Variants in GLDC observed in about 807,000 individuals in gnomAD.
GLDC encodes the protein glycine dehydrogenase (decarboxylating), mitochondrial.
Under a neutral mutation model 121.3 loss-of-function variants are expected in GLDC, and 104 were observed. That is an observed-to-expected ratio of 0.86 (90% CI 0.73 to 1.01). The LOEUF (loss-of-function observed/expected upper bound fraction) is 1.01, where lower values mean the gene tolerates loss of function less well. Among genes scored for constraint, GLDC ranks in the 50% least tolerant of loss-of-function variants. GLDC has a pLI of 0.00. For synonymous variants in GLDC, 546 were observed against 480.6 expected (o/e 1.14, Z -1.78); for missense variants, 1,429 against 1,306.6 (o/e 1.09, Z -1.44).
At chr9:6,593,045 A>G in intron 9 of GLDC, 55 bp from the exon 10 acceptor site, 2 of 1,575,620 alleles carry the variant, frequency 1.3e-6, no homozygotes, top group South Asian at 2.2e-5. Flanking sequence ...CTCCTCAGCC[A>G]TTGACATGTC....
intron 3 of GLDC, among the ~76,000 whole-genome samples, chr9:6,619,145 G>GAAAAAAAAAAAAAAAAAAA (rs1563864174): frequency 3.3e-5 from 1 of 30,196 alleles, no homozygotes; most frequent in African/African-American, 1.5e-4. Flanking sequence ...TCTGTCTCAG[G>GAAAAAAAAAAAAAAAAAAA]CAAAAAAAAA....
chr9:6,569,569 T>G (rs550612789), intron 15 of GLDC, among the ~76,000 whole-genome samples: 65 of 152,160 alleles, frequency 4.3e-4, no homozygotes, highest in Non-Finnish European at 7.9e-4. Context: ...GGAGAATTGC[T>G]TGAACCCGGG....
chr9:6,645,025 T>C (rs533134724), intron 1 of GLDC, among the ~76,000 whole-genome samples: 3 of 152,318 alleles, frequency 2.0e-5, no homozygotes, highest in Admixed American at 6.5e-5. Flanking sequence ...ATGTACACTT[T>C]TGAGGCACGA....
intron 2 of GLDC, among the ~76,000 whole-genome samples, chr9:6,627,313 A>G (rs1819265021): frequency 6.6e-6 from 1 of 151,546 alleles, no homozygotes; most frequent in Non-Finnish European, 1.5e-5. Flanking sequence ...AAAAAAAAAA[A>G]AGGCAAACTA....
chr9:6,579,875 T>G (rs998738680), intron 15 of GLDC, among the ~76,000 whole-genome samples: 7 of 152,186 alleles, frequency 4.6e-5, no homozygotes, highest in African/African-American at 1.7e-4. Context: ...ACTAAAATTT[T>G]CCCTTTGCTG....
chr9:6,645,260 C>G lies in GLDC; in HGVS notation c.240G>C (p.Gln80His), dbSNP rs750945530. The stretch of plus-strand genomic sequence containing the variant: ...AGGTCCTTACCGCCAGCCCCAAGGT[C>G]TGCAGCATCTCTCTCTGGTCTTTGT... ...PGDKDQREML[Q>H]TLGLASIDEL... The change falls in exon 1 of 25, where the codon CAG (glutamine) becomes CAC (histidine). Residue 80 changes from glutamine to histidine, a missense_variant. By Grantham distance (24) the Gln-to-His change is conservative. Coordinates refer to ENST00000321612, the MANE Select transcript of GLDC (RefSeq NM_000170.3). The G allele has an allele frequency of 1.9e-6, 3 of 1,600,366 alleles. No individual in the cohort carries two copies. The highest frequency in any genetic ancestry group is 4.6e-5 in the East Asian group (2 of 43,620).
At chr9:6,629,528 T>G (rs1407707447) in intron 2 of GLDC, among the ~76,000 whole-genome samples, 1 of 152,102 alleles carries the variant, frequency 6.6e-6, no homozygotes, top group Non-Finnish European at 1.5e-5. Flanking sequence ...ATATCCTGTT[T>G]ATGTGAATTT....
chr9:6,623,564 A>G (rs1051687485), intron 2 of GLDC, among the ~76,000 whole-genome samples: 1 of 151,436 alleles, frequency 6.6e-6, no homozygotes, highest in African/African-American at 2.4e-5. Context: ...CTATTGTCCT[A>G]TGACCCTGCC....
chr9:6,539,333 G>C (rs988613172), intron 22 of GLDC, among the ~76,000 whole-genome samples: 2 of 152,002 alleles, frequency 1.3e-5, no homozygotes, highest in African/African-American at 2.4e-5. Context: ...TAAAAAAATA[G>C]CTGGGTATGG....
chr9:6,605,801 C>G (rs572605060), intron 5 of GLDC: 1 of 211,810 alleles, frequency 4.7e-6, no homozygotes, highest in African/African-American at 2.3e-5. Context: ...GTGGTTGTTG[C>G]GAGGATTGTT....
At chr9:6,565,108 T>C (rs1291484948) in intron 16 of GLDC, among the ~76,000 whole-genome samples, 2 of 152,244 alleles carry the variant, frequency 1.3e-5, no homozygotes, top group African/African-American at 4.8e-5. Context: ...CACAGCCAAC[T>C]GGCTGACGTT....
intron 4 of GLDC, 141 bp from the exon 5 acceptor site, chr9:6,606,810 C>T (rs570000128): frequency 5.8e-6 from 4 of 689,708 alleles, no homozygotes; most frequent in African/African-American, 1.8e-5. Context: ...CGGTGGCTCA[C>T]GCCTGTAATC....
At chr9:6,545,710 G>A (rs1288333425) in intron 21 of GLDC, among the ~76,000 whole-genome samples, 4 of 151,404 alleles carry the variant, frequency 2.6e-5, no homozygotes, top group South Asian at 2.1e-4. Flanking sequence ...GCGCAATCTC[G>A]GCTCACTGCA....
intron 16 of GLDC, among the ~76,000 whole-genome samples, chr9:6,562,923 ACCAGCT>A (rs1817786697): frequency 6.6e-6 from 1 of 152,092 alleles, no homozygotes; most frequent in African/African-American, 2.4e-5. Context: ...TTGTATTTCT[ACCAGCT>A]CAGTGGCTGG....
At chr9:6,642,637 T>A (rs978918343) in intron 2 of GLDC, among the ~76,000 whole-genome samples, 9 of 152,204 alleles carry the variant, frequency 5.9e-5, no homozygotes. Flanking sequence ...AATGTTCAAA[T>A]TATTCAGCTG....
At chr9:6,534,863 T>A (rs1817088464) in intron 23 of GLDC, 75 bp from the exon 24 acceptor site, 1 of 802,934 alleles carries the variant, frequency 1.2e-6, no homozygotes, top group African/African-American at 1.7e-5. Context: ...ACCTCAACCG[T>A]CAATCTTCTG....
intron 15 of GLDC, among the ~76,000 whole-genome samples, chr9:6,582,866 A>G (rs1157736653): frequency 1.3e-5 from 2 of 152,126 alleles, no homozygotes; most frequent in African/African-American, 2.4e-5. Flanking sequence ...CTCAACAACA[A>G]ATCTCCCAAG....
Position 6,639,388 on chromosome 9 carries a change from A to G in GLDC, c.334+5226T>C, listed in dbSNP as rs1156553756. ...TGCTATCATCAAGTTTACGCTGACCACTGAGTCGCCATGAAGAAGATGGAA... is the reference window on the plus strand; with the variant it reads ...TGCTATCATCAAGTTTACGCTGACCGCTGAGTCGCCATGAAGAAGATGGAA... On this transcript the variant is annotated intron_variant, in intron 2 of 24. Transcript: ENST00000321612. 1.3e-5 allele frequency: 11 copies of G among 872,316 alleles called. No homozygotes were observed. In the East Asian group the frequency reaches 2.8e-4, roughly 22 times the overall value. The allele number at this position is 872,316 out of a possible 1,614,324, so 54.0% of individuals were successfully genotyped here.
At chr9:6,548,205 T>C (rs573515998) in intron 21 of GLDC, among the ~76,000 whole-genome samples, 1 of 152,356 alleles carries the variant, frequency 6.6e-6, no homozygotes, top group African/African-American at 2.4e-5. Context: ...TGGCTATAAC[T>C]GATTGATGGA....
Sources: gnomAD v4.1 joint callset for allele counts (sites outside exome capture counted in the v4.1 genomes callset) on GRCh38, gnomAD v4.1.1 for gene constraint, MANE v1.5 for transcripts, NCBI Gene and HGNC (gene_info 2026-07-23, HGNC 2026-07-21) for gene names.